The following FREM1 variants were observed in gnomAD, a reference collection of about 807,000 sequenced individuals.
FREM1 encodes the protein FRAS1 related extracellular matrix 1.
FREM1 carries 220 observed loss-of-function variants against 210.1 expected under a neutral mutation model. That is an observed-to-expected ratio of 1.05 (90% CI 0.94 to 1.17). The LOEUF (loss-of-function observed/expected upper bound fraction) is 1.17. Ranked by LOEUF, FREM1 falls within the 50% of genes most tolerant of loss-of-function variation. FREM1 has a pLI of 0.00. For synonymous variants in FREM1, 1,189 were observed against 980.2 expected (o/e 1.21, Z -3.98); for missense variants, 3,454 against 2,675.5 (o/e 1.29, Z -6.42).
At chr9:14,874,695 T>A (rs564562295) in intron 1 of FREM1, among the ~76,000 whole-genome samples, 164 of 152,310 alleles carry the variant, frequency 1.1e-3, no homozygotes, top group Non-Finnish European at 1.9e-3. Context: ...TATATGTGAA[T>A]TTGATCCTGT....
rs1204817196 is a variant in FREM1, at chr9:14,910,021, G to A, written c.-375C>T. 2 of 152,228 alleles carry A rather than the reference G, an allele frequency of 1.3e-5. No homozygotes were observed. Among genetic ancestry groups the A allele is most frequent in the African/African-American group, 2.4e-5 (1 of 41,456 alleles). 9.4% of individuals were successfully genotyped at this position (152,228 alleles called of 1,614,324 possible). ...CTGGTTTAAAGGGCTTTGAGAGGAA[G>A]GGGGAGGAAAAAGAACCCCGGGAAG... On this transcript the variant is annotated 5_prime_UTR_variant, in exon 1 of 37. Transcript: ENST00000380880.
intron 1 of FREM1, among the ~76,000 whole-genome samples, chr9:14,876,401 C>A (rs953939607): frequency 6.6e-6 from 1 of 152,114 alleles, no homozygotes; most frequent in Non-Finnish European, 1.5e-5. Flanking sequence ...CCTCCCCCAG[C>A]CTCGCTGCCG....
chr9:14,898,319 G>C (rs566584379), intron 1 of FREM1, among the ~76,000 whole-genome samples: 28 of 152,324 alleles, frequency 1.8e-4, no homozygotes, highest in African/African-American at 6.7e-4. Context: ...CATAGAGCAA[G>C]GCTCAGCCAA....
chr9:14,806,602 C>A, intron 18 of FREM1, 59 bp downstream of exon 18: 1 of 990,506 alleles, frequency 1.0e-6, no homozygotes, highest in South Asian at 1.4e-5. Context: ...ATGACCTGGC[C>A]AATCGCTTCC....
chr9:14,870,580 T>A (rs1464896134), intron 1 of FREM1, among the ~76,000 whole-genome samples: 1 of 152,170 alleles, frequency 6.6e-6, no homozygotes, highest in African/African-American at 2.4e-5. Flanking sequence ...ATAATCAGTG[T>A]ATCCTTTTAT....
chr9:14,785,934 T>C (rs1256863588), intron 23 of FREM1, among the ~76,000 whole-genome samples: 1 of 151,916 alleles, frequency 6.6e-6, no homozygotes, highest in Admixed American at 6.6e-5. Flanking sequence ...TTCACCACTA[T>C]TTTTTTTAAA....
intron 1 of FREM1, among the ~76,000 whole-genome samples, chr9:14,871,845 G>T (rs957353164): frequency 6.6e-6 from 1 of 152,116 alleles, no homozygotes; most frequent in South Asian, 2.1e-4. Flanking sequence ...TTTGTATGAG[G>T]TGTAAGGACG....
intron 1 of FREM1, among the ~76,000 whole-genome samples, chr9:14,890,194 A>G (rs1312253598): frequency 6.6e-6 from 1 of 152,240 alleles, no homozygotes; most frequent in Non-Finnish European, 1.5e-5. Flanking sequence ...AAGGCACCCT[A>G]TTTGGGGATA....
chr9:14,757,819 T>G (rs1452440117), intron 28 of FREM1, among the ~76,000 whole-genome samples: 1 of 152,170 alleles, frequency 6.6e-6, no homozygotes, highest in Non-Finnish European at 1.5e-5. Flanking sequence ...AGTGGAAACA[T>G]TTTGCTGGAA....
At chr9:14,753,506 T>G (rs1236062108) in intron 29 of FREM1, among the ~76,000 whole-genome samples, 1 of 152,218 alleles carries the variant, frequency 6.6e-6, no homozygotes, top group Non-Finnish European at 1.5e-5. Flanking sequence ...CTTTTGTTTG[T>G]TTGGTATTTT....
intron 1 of FREM1, among the ~76,000 whole-genome samples, chr9:14,893,607 A>G (rs1415439139): frequency 6.6e-6 from 1 of 152,224 alleles, no homozygotes; most frequent in African/African-American, 2.4e-5. Context: ...CTTAAATGAA[A>G]TATTTTGCTA....
At chr9:14,799,381 A>T (rs1462980665) in intron 20 of FREM1, among the ~76,000 whole-genome samples, 1 of 152,210 alleles carries the variant, frequency 6.6e-6, no homozygotes, top group East Asian at 1.9e-4. Context: ...TTATGAGAAT[A>T]TGCTAAAGTT....
rs373345277 is a variant in FREM1 at position 14,808,132 on chromosome 9, C to T, written c.2896G>A (p.Gly966Ser). 207 of 1,584,246 alleles carry T rather than the reference C, an allele frequency of 1.3e-4. No homozygotes were observed. The highest frequency in any genetic ancestry group is 7.0e-5 in the Admixed American group (4 of 57,216). The part of the protein sequence containing the change: ...SEAVTYKHTG[G>S]EIGLMPCFDT... ...AAACAAGGCATCAGGCCAATCTCGC[C>T]ACCTGGAAGACACAACTATAGCTGA... is the stretch of plus-strand genomic sequence containing the variant. The change falls in exon 17 of 37, where the codon GGC becomes AGC. Residue 966 changes from glycine (G) to serine (S), a missense_variant and splice_region_variant. By Grantham distance (56) the Gly-to-Ser change is moderately conservative (BLOSUM62 0). Transcript: ENST00000380880.
intron 15 of FREM1, among the ~76,000 whole-genome samples, chr9:14,813,371 A>G (rs1819742104): frequency 6.6e-6 from 1 of 152,212 alleles, no homozygotes; most frequent in African/African-American, 2.4e-5. Context: ...GGCATTCTTC[A>G]CCAAAGCCCC....
At position 14,806,689 on chromosome 9, in the gene FREM1, A is replaced by G; in HGVS notation, c.3246T>C (p.Phe1082=). ...YLENILPSVG[F]EKSNIGISID... ...TACTTATGCCAATATTGCTTTTTTC[A>G]AAACCCACAGAAGGGAGTATATTTT... The change falls in exon 18 of 37, where the codon TTT becomes TTC. Residue 1082 remains phenylalanine, a synonymous_variant. Transcript: ENST00000380880. The G allele has an allele frequency of 6.2e-7, 1 of 1,600,746 alleles. No individual in the cohort carries two copies. Among genetic ancestry groups the G allele is most frequent in the Non-Finnish European group, 8.5e-7 (1 of 1,173,078 alleles).
At chr9:14,845,267 T>C (rs1186390567) in intron 8 of FREM1, among the ~76,000 whole-genome samples, 1 of 152,216 alleles carries the variant, frequency 6.6e-6, no homozygotes, top group Non-Finnish European at 1.5e-5. Flanking sequence ...CATAACATCA[T>C]TATTACTAAA....
At position 14,846,071 on chromosome 9, in the gene FREM1, GC is replaced by G; in HGVS notation, c.1281del (p.Gln428SerfsTer23). On this transcript the variant is annotated frameshift_variant, in exon 8 of 37. Coordinates refer to ENST00000380880, the MANE Select transcript of FREM1 (RefSeq NM_001379081.2). LOFTEE classifies it high-confidence loss of function. Reference sequence around the variant, plus strand: ...TGTTCCCAAGTGATGGCTCGAGACTGCCCCTCAAGGAGACTCAGACCTATGA... The same window carrying G: ...TGTTCCCAAGTGATGGCTCGAGACTGCCCTCAAGGAGACTCAGACCTATGA... ...SWNTGLSLLE[G>X]QSRAITWEQF... 1 of 1,585,018 alleles carries G rather than the reference GC, an allele frequency of 6.3e-7. No individual in the cohort carries two copies.
chr9:14,809,162 G>A (rs1443520913), intron 16 of FREM1, among the ~76,000 whole-genome samples: 1 of 152,164 alleles, frequency 6.6e-6, no homozygotes, highest in Non-Finnish European at 1.5e-5. Context: ...GAGTTTCCCT[G>A]CACAAGCTCT....
intron 36 of FREM1, among the ~76,000 whole-genome samples, chr9:14,739,307 T>A (rs948907508): frequency 2.0e-5 from 3 of 151,412 alleles, no homozygotes; most frequent in African/African-American, 7.3e-5. Context: ...TCTCACTATG[T>A]TGCCTAGGCT....
Sources: gnomAD v4.1 joint callset for allele counts (sites outside exome capture counted in the v4.1 genomes callset) on GRCh38, gnomAD v4.1.1 for gene constraint, MANE v1.5 for transcripts, NCBI Gene and HGNC (gene_info 2026-07-23, HGNC 2026-07-21) for gene names.